The following CFAP43 variants were observed in gnomAD, a reference collection of about 807,000 sequenced individuals.
CFAP43 encodes the protein cilia- and flagella-associated protein 43.
In CFAP43, 155 loss-of-function variants were observed where a neutral mutation model predicts 218.9. That is an observed-to-expected ratio of 0.71 (90% confidence interval 0.62 to 0.81). The LOEUF is 0.81. CFAP43 is among the 30% of genes least tolerant of loss of function. The probability of loss-of-function intolerance (pLI) is 0.00; values close to 1 mark genes in which losing one functional copy is unlikely to be tolerated. For missense variants in CFAP43, 1,778 were observed against 1,954.3 expected (o/e 0.91, Z 1.70); for synonymous variants, 645 against 681.3 (o/e 0.95, Z 0.83).
intron 2 of CFAP43, among the ~76,000 whole-genome samples, chr10:104,227,835 CTTTTTTTTTTTT>C (rs776193577): frequency 3.4e-4 from 20 of 58,372 alleles, no homozygotes; most frequent in South Asian, 1.4e-3. Flanking sequence ...ATGTTTTCTA[CTTTTTTTTTTTT>C]TTTTTTTTTT....
intron 3 of CFAP43, among the ~76,000 whole-genome samples, chr10:104,222,247 G>A (rs1394791032): frequency 6.6e-6 from 1 of 152,180 alleles, no homozygotes; most frequent in Non-Finnish European, 1.5e-5. Context: ...GTCACCAAGT[G>A]AGTTGCATCC....
rs746486069 is a variant in CFAP43 at position 104,185,967 on chromosome 10, A to G, written c.2010+7T>C. 1.9e-5 allele frequency: 30 copies of G among 1,608,764 alleles called. No homozygotes were observed. The highest frequency in any genetic ancestry group is 2.5e-5 in the Non-Finnish European group (30 of 1,178,522). ...CCACAATATTTTTTTTTAAGAAAGC[A>G]GCTTACCAAAGTATAAACGTCTCGG... On this transcript the variant is annotated splice_region_variant and intron_variant, in intron 15 of 37. Coordinates refer to ENST00000357060, the MANE Select transcript of CFAP43 (RefSeq NM_025145.7).
intron 19 of CFAP43, among the ~76,000 whole-genome samples, chr10:104,177,132 T>G (rs1486180775): frequency 6.6e-6 from 1 of 152,154 alleles, no homozygotes; most frequent in Non-Finnish European, 1.5e-5. Flanking sequence ...AAAGGTTTCC[T>G]ATTAAAATGC....
chr10:104,186,469 G>A (rs555359455), intron 14 of CFAP43, among the ~76,000 whole-genome samples: 5 of 152,040 alleles, frequency 3.3e-5, no homozygotes, highest in South Asian at 2.1e-4. Flanking sequence ...AATATTCCCC[G>A]TATGTTTCAT....
Position 104,164,090 on chromosome 10 carries a change from G to A in CFAP43, c.3246+4C>T, listed in dbSNP as rs2089021867. The A allele has an allele frequency of 1.2e-6, 2 of 1,613,912 alleles. No individual in the cohort carries two copies. The highest frequency in any genetic ancestry group is 2.7e-5 in the African/African-American group (2 of 74,918). On this transcript the variant is annotated splice_donor_region_variant and intron_variant, in intron 24 of 37. Coordinates refer to ENST00000357060, the MANE Select transcript of CFAP43 (RefSeq NM_025145.7). The stretch of plus-strand genomic sequence containing the variant: ...AGGGAAAGGAGAACACAGCTAGCCA[G>A]TACCTCCTCATCTTGCACAACAAGC...
Position 104,166,626 on chromosome 10 carries a change from C to T in CFAP43, c.2901G>A (p.Lys967=), listed in dbSNP as rs372571242. ...EDDEEEEEED[K]TVKYSNLPNY... Reference sequence around the variant, plus strand: ...TGGGCAAATTGCTATATTTTACTGTCTTGTCTTCCTCTTCCTCTTCTTCAT... The same window carrying T: ...TGGGCAAATTGCTATATTTTACTGTTTTGTCTTCCTCTTCCTCTTCTTCAT... The change falls in exon 23 of 38, where the codon AAG becomes AAA. Residue 967 remains lysine, a synonymous_variant. Coordinates refer to ENST00000357060, the MANE Select transcript of CFAP43 (RefSeq NM_025145.7). 3.8e-5 allele frequency: 62 copies of T among 1,614,136 alleles called. 2 individuals carry two copies. In the South Asian group the frequency reaches 6.3e-4, roughly 16 times the overall value.
chr10:104,174,963 G>C (rs1379905232), intron 19 of CFAP43, among the ~76,000 whole-genome samples: 1 of 151,966 alleles, frequency 6.6e-6, no homozygotes, highest in African/African-American at 2.4e-5. Flanking sequence ...GCTGAGGCAG[G>C]AGAATGGCGT....
At chr10:104,215,301 C>T (rs2090983020) in intron 3 of CFAP43, among the ~76,000 whole-genome samples, 1 of 152,116 alleles carries the variant, frequency 6.6e-6, no homozygotes, top group Non-Finnish European at 1.5e-5. Flanking sequence ...GAGCTATGCC[C>T]TCAAATGAGG....
At chr10:104,217,449 T>G (rs1054047645) in intron 3 of CFAP43, among the ~76,000 whole-genome samples, 1 of 152,184 alleles carries the variant, frequency 6.6e-6, no homozygotes, top group Non-Finnish European at 1.5e-5. Flanking sequence ...CTCTCCAGTA[T>G]AGATTTTGTG....
chr10:104,179,532 T>TC (rs1480080559), intron 18 of CFAP43, among the ~76,000 whole-genome samples: 2 of 152,188 alleles, frequency 1.3e-5, no homozygotes, highest in Non-Finnish European at 2.9e-5. Context: ...AAGACAAGCA[T>TC]CCCCTAAAAC....
In CFAP43 at chr10:104,140,836, A is replaced by G. The variant is rs1564712658; in HGVS notation, c.4431+6T>C. ...GAATTAAAATAAAAATAAAAAGTATAATTACCCGAATCACAGAATTCAAGT... is the reference window on the plus strand; with the variant it reads ...GAATTAAAATAAAAATAAAAAGTATGATTACCCGAATCACAGAATTCAAGT... On this transcript the variant is annotated splice_donor_region_variant and intron_variant, in intron 34 of 37. Transcript: ENST00000357060. The G allele has an allele frequency of 1.3e-6, 2 of 1,585,768 alleles. No individual in the cohort carries two copies. The highest frequency in any genetic ancestry group is 2.2e-5 in the East Asian group (1 of 44,510).
chr10:104,166,346 A>AC (rs533766295), intron 23 of CFAP43, 142 bp downstream of exon 23: 116 of 641,368 alleles, frequency 1.8e-4, no homozygotes, highest in Non-Finnish European at 2.9e-4. Context: ...TACTGGGATT[A>AC]CAGGTGTGAG....
Position 104,203,652 on chromosome 10 carries a change from G to T in CFAP43, c.1095+20C>A. The T allele has an allele frequency of 6.3e-7, 1 of 1,584,506 alleles. No individual in the cohort carries two copies. Among genetic ancestry groups the T allele is most frequent in the South Asian group, 1.2e-5 (1 of 83,908 alleles). On this transcript the variant is annotated intron_variant, in intron 8 of 37. Transcript: ENST00000357060. The stretch of plus-strand genomic sequence containing the variant: ...ATACTATCTGAAAATCACATATCAA[G>T]AAATTACCATCCAACATACCTTGTC...
At chr10:104,180,225 C>T (rs1174501938) in intron 17 of CFAP43, among the ~76,000 whole-genome samples, 1 of 152,192 alleles carries the variant, frequency 6.6e-6, no homozygotes, top group African/African-American at 2.4e-5. Flanking sequence ...TCCTGCCCAT[C>T]AGGGCCTGTG....
Position 104,164,313 on chromosome 10 carries a change from C to T in CFAP43, c.3040-13G>A. The T allele has an allele frequency of 6.5e-7, 1 of 1,531,498 alleles. No individual in the cohort carries two copies. Among genetic ancestry groups the T allele is most frequent in the Non-Finnish European group, 8.9e-7 (1 of 1,118,804 alleles). 94.9% of individuals were successfully genotyped at this position (1,531,498 alleles called of 1,614,324 possible). On this transcript the variant is annotated splice_polypyrimidine_tract_variant and intron_variant, in intron 23 of 37. Coordinates refer to ENST00000357060, the MANE Select transcript of CFAP43 (RefSeq NM_025145.7). ...TGTAAATGATATCCTGAAATATTAACATGTTACTGAAAACACATCACATAT... is the reference window on the plus strand; with the variant it reads ...TGTAAATGATATCCTGAAATATTAATATGTTACTGAAAACACATCACATAT...
chr10:104,139,248 G>A (rs1238075490), intron 34 of CFAP43, among the ~76,000 whole-genome samples: 1 of 152,206 alleles, frequency 6.6e-6, no homozygotes, highest in Non-Finnish European at 1.5e-5. Context: ...CAGACAATCT[G>A]ACACGTGTGT....
rs574283676 is a variant in CFAP43, at chr10:104,155,880, T to C, written c.3541-3154A>G. 6.2e-5 allele frequency among the ~76,000 whole-genome samples: 9 copies of C among 146,000 alleles called. No homozygotes were observed. In the South Asian group the frequency reaches 6.5e-4, roughly 11 times the overall value. ...CTGGAACAGTTAATGAGGGAAAGAA[T>C]GACAGGAGATGAAATGAGATGGGAT... On this transcript the variant is annotated intron_variant, in intron 27 of 37. Coordinates refer to ENST00000357060, the MANE Select transcript of CFAP43 (RefSeq NM_025145.7).
chr10:104,145,781 A>T (rs1350109179), intron 30 of CFAP43, among the ~76,000 whole-genome samples: 3 of 152,226 alleles, frequency 2.0e-5, no homozygotes, highest in Non-Finnish European at 4.4e-5. Context: ...ATATTATTTC[A>T]TATAACAGGT....
Position 104,130,306 on chromosome 10 carries a change from C to T in CFAP43, c.4832-1G>A. 6.2e-7 allele frequency: 1 copy of T among 1,602,556 alleles called. No homozygotes were observed. Among genetic ancestry groups the T allele is most frequent in the Admixed American group, 1.8e-5 (1 of 57,030 alleles). On this transcript the variant is annotated splice_acceptor_variant, in intron 37 of 37. Coordinates refer to ENST00000357060, the MANE Select transcript of CFAP43 (RefSeq NM_025145.7). LOFTEE classifies it high-confidence loss of function. ...ATCTTTTCACAAGTCAGTTTAGACCCTATCCCAAAAATGAATAAAGGAATT... is the reference window on the plus strand; with the variant it reads ...ATCTTTTCACAAGTCAGTTTAGACCTTATCCCAAAAATGAATAAAGGAATT...
Sources: allele counts gnomAD v4.1 joint callset (sites outside exome capture counted in the v4.1 genomes callset), GRCh38; gene constraint gnomAD v4.1.1; transcripts MANE v1.5; gene names NCBI Gene and HGNC (gene_info 2026-07-23, HGNC 2026-07-21).